Variants in MCTP2 observed in about 807,000 individuals in gnomAD.
MCTP2 encodes multiple C2 and transmembrane domain containing 2.
In MCTP2, 132 loss-of-function variants were observed where a neutral mutation model predicts 111.6. The ratio of observed to expected loss-of-function variants is 1.18; its 90% confidence interval spans 1.03 to 1.37. The LOEUF is 1.37. Ranked by LOEUF, MCTP2 falls within the 40% of genes most tolerant of loss-of-function variation. MCTP2 has a pLI of 0.00. For synonymous variants in MCTP2, 395 were observed against 387.7 expected (o/e 1.02, Z -0.22); for missense variants, 1,183 against 1,067.9 (o/e 1.11, Z -1.50).
chr15:94,420,883 GT>G (rs2082595300), intron 17 of MCTP2, among the ~76,000 whole-genome samples: 2 of 152,172 alleles, frequency 1.3e-5, no homozygotes, highest in African/African-American at 4.8e-5. Context: ...GTAAGATGCT[GT>G]CAAAGAGCAT....
chr15:94,309,735 C>T (rs1040290863), intron 2 of MCTP2, among the ~76,000 whole-genome samples: 5 of 152,116 alleles, frequency 3.3e-5, no homozygotes, highest in Non-Finnish European at 4.4e-5. Flanking sequence ...TATTTGCATT[C>T]TTATGGTAGG....
At chr15:94,382,868 C>T (rs1227829231) in intron 12 of MCTP2, among the ~76,000 whole-genome samples, 1 of 152,234 alleles carries the variant, frequency 6.6e-6, no homozygotes, top group Non-Finnish European at 1.5e-5. Flanking sequence ...CGGAGCCATT[C>T]GTTCTTTCCC....
chr15:94,474,157 A>G (rs1324640980), intron 21 of MCTP2, among the ~76,000 whole-genome samples: 1 of 152,108 alleles, frequency 6.6e-6, no homozygotes, highest in Non-Finnish European at 1.5e-5. Flanking sequence ...CCTCTGTACT[A>G]TTTAGGTTAA....
chr15:94,462,326 C>T (rs1403350125), intron 20 of MCTP2, among the ~76,000 whole-genome samples: 1 of 152,078 alleles, frequency 6.6e-6, no homozygotes, highest in East Asian at 1.9e-4. Context: ...TCATTAATGG[C>T]GAAGTTAGTC....
At chr15:94,378,687 T>C (rs34918113) in intron 12 of MCTP2, among the ~76,000 whole-genome samples, 23,361 of 152,236 alleles carry the variant, frequency 0.15, 2,169 homozygotes, top group Non-Finnish European at 0.19. Flanking sequence ...AGTATGGACC[T>C]GTCTGCCCCT....
At chr15:94,369,619 A>G (rs1379071342) in intron 11 of MCTP2, among the ~76,000 whole-genome samples, 2 of 152,054 alleles carry the variant, frequency 1.3e-5, no homozygotes, top group Non-Finnish European at 2.9e-5. Context: ...TTCTGCCCCA[A>G]CTCTCTTTAG....
intron 4 of MCTP2, among the ~76,000 whole-genome samples, chr15:94,334,382 C>A (rs1050300099): frequency 6.6e-6 from 1 of 152,186 alleles, no homozygotes; most frequent in Non-Finnish European, 1.5e-5. Context: ...ATCCATCTAC[C>A]AGGCATATTA....
chr15:94,338,488 A>ATTTTTT (rs201502636), intron 4 of MCTP2, among the ~76,000 whole-genome samples: 2,749 of 133,986 alleles, frequency 0.021, 85 homozygotes, highest in African/African-American at 0.073. Flanking sequence ...GTTTGCAGGC[A>ATTTTTT]TTTTTTTTTT....
At chr15:94,444,005 A>AAC (rs1491583251) in intron 19 of MCTP2, among the ~76,000 whole-genome samples, 1 of 144,986 alleles carries the variant, frequency 6.9e-6, no homozygotes, top group African/African-American at 2.7e-5. Context: ...AAAAAAAAAA[A>AAC]ACAGAAGTAT....
At chr15:94,325,811 G>GTTTTTTTTTTTT (rs1567428361) in intron 4 of MCTP2, among the ~76,000 whole-genome samples, 5 of 89,236 alleles carry the variant, frequency 5.6e-5, no homozygotes, top group African/African-American at 1.2e-4. Context: ...CCATCGCTCC[G>GTTTTTTTTTTTT]ATTTTTTTTT....
intron 1 of MCTP2, among the ~76,000 whole-genome samples, chr15:94,254,963 A>G (rs571430195): frequency 6.6e-6 from 1 of 152,300 alleles, no homozygotes; most frequent in Non-Finnish European, 1.5e-5. Context: ...GCATTTTATT[A>G]AAAGATGTGT....
intron 1 of MCTP2, among the ~76,000 whole-genome samples, chr15:94,283,072 T>TGTGG (rs1255756775): frequency 6.6e-6 from 1 of 152,068 alleles, no homozygotes; most frequent in Non-Finnish European, 1.5e-5. Flanking sequence ...AGAAGAAGGC[T>TGTGG]GTGGGTGGGT....
In MCTP2 at chr15:94,298,573, T is replaced by C; in HGVS notation, c.308T>C (p.Leu103Ser). 1.2e-6 allele frequency: 2 copies of C among 1,614,072 alleles called. No homozygotes were observed. The highest frequency in any genetic ancestry group is 1.7e-6 in the Non-Finnish European group (2 of 1,180,000). Residue 103 changes from leucine (L) to serine (S), a missense_variant, in exon 2 of 23, where the codon TTG becomes TCG. Transcript: ENST00000357742. ...TCCTTGAAACAGTCTGAAGAAGAATTGGATTGGAGCCAGGAAGAAGCCAGT... is the reference window on the plus strand; with the variant it reads ...TCCTTGAAACAGTCTGAAGAAGAATCGGATTGGAGCCAGGAAGAAGCCAGT... ...SSSLKQSEEE[L>S]DWSQEEASHL...
chr15:94,366,936 G>C (rs979773490), intron 10 of MCTP2, among the ~76,000 whole-genome samples: 3 of 152,168 alleles, frequency 2.0e-5, no homozygotes, highest in African/African-American at 7.2e-5. Context: ...GTTAAGAGGC[G>C]GAAAACATGC....
chr15:94,356,610 GA>G (rs1226268910), intron 9 of MCTP2, among the ~76,000 whole-genome samples: 1 of 152,100 alleles, frequency 6.6e-6, no homozygotes, highest in African/African-American at 2.4e-5. Context: ...GTGGGAAAAG[GA>G]TAAGTAAAAG....
chr15:94,457,269 A>G (rs1430343048), intron 19 of MCTP2, among the ~76,000 whole-genome samples: 1 of 152,222 alleles, frequency 6.6e-6, no homozygotes, highest in Admixed American at 6.5e-5. Flanking sequence ...AATATTAAAA[A>G]TAGTGTAAAA....
At chr15:94,379,063 G>GT (rs964287445) in intron 12 of MCTP2, among the ~76,000 whole-genome samples, 36 of 150,982 alleles carry the variant, frequency 2.4e-4, no homozygotes, top group African/African-American at 6.4e-4. Flanking sequence ...TTAGTTTTTT[G>GT]TTTTTTGTTT....
At chr15:94,298,834 C>T in intron 2 of MCTP2, 104 bp downstream of exon 2, 1 of 412,140 alleles carries the variant, frequency 2.4e-6, no homozygotes, top group Non-Finnish European at 3.7e-6. Flanking sequence ...CCCCCTCCCC[C>T]TCCCTCTCTC....
intron 17 of MCTP2, among the ~76,000 whole-genome samples, chr15:94,432,667 G>A (rs1413887675): frequency 2.6e-5 from 4 of 152,118 alleles, no homozygotes; most frequent in African/African-American, 9.7e-5. Flanking sequence ...CAGTGTGTAA[G>A]CCATAAGATG....
Sources: gnomAD v4.1 joint callset for allele counts (sites outside exome capture counted in the v4.1 genomes callset) on GRCh38, gnomAD v4.1.1 for gene constraint, MANE v1.5 for transcripts, NCBI Gene and HGNC (gene_info 2026-07-23, HGNC 2026-07-21) for gene names.